Variants in CAPN12 observed in about 807,000 individuals in gnomAD.
The protein encoded by CAPN12 is calpain-12.
In CAPN12, 107 loss-of-function variants were observed where a neutral mutation model predicts 95.0. The ratio of observed to expected loss-of-function variants is 1.13; its 90% CI spans 0.96 to 1.32. The LOEUF (loss-of-function observed/expected upper bound fraction) is 1.32, where lower values mean the gene tolerates loss of function less well. Ranked by LOEUF, CAPN12 falls within the 40% of genes most tolerant of loss-of-function variation. The pLI, the probability that CAPN12 is intolerant of heterozygous loss-of-function variation, is 0.00. For missense variants in CAPN12, 1,136 were observed against 997.8 expected, an observed-to-expected ratio of 1.14 and a Z score of -1.87; for synonymous variants, 505 against 415.5, an observed-to-expected ratio of 1.22 and a Z score of -2.62.
intron 15 of CAPN12, 81 bp from the exon 16 acceptor site, chr19:38,734,470 T>A: frequency 8.1e-7 from 1 of 1,236,590 alleles, no homozygotes; most frequent in African/African-American, 1.5e-5. Context: ...GTGACTCCCT[T>A]AAGCAGGTGA....
chr19:38,731,191 G>T lies in CAPN12; in HGVS notation c.1990C>A (p.Leu664Ile). The change falls in exon 19 of 21, where the codon CTC becomes ATC. Residue 664 changes from leucine (L) to isoleucine (I), a missense_variant. Transcript: ENST00000328867. ...FHLNNQLTQTLTSRYRDSRLR... is the reference protein window; with the variant it reads ...FHLNNQLTQTITSRYRDSRLR... ...CGGCTATCCCGGTAGCGGCTGGTGAGGGTCTGGGTCAGCTGGTTGTTCAGG... is the reference window on the plus strand; with the variant it reads ...CGGCTATCCCGGTAGCGGCTGGTGATGGTCTGGGTCAGCTGGTTGTTCAGG... The T allele has an allele frequency of 6.2e-7, 1 of 1,612,892 alleles. No individual in the cohort carries two copies. Among genetic ancestry groups the T allele is most frequent in the Non-Finnish European group, 8.5e-7 (1 of 1,180,026 alleles).
intron 20 of CAPN12, 41 bp downstream of exon 20, chr19:38,730,924 G>A: frequency 1.3e-6 from 2 of 1,550,530 alleles, no homozygotes; most frequent in Non-Finnish European, 1.7e-6. Context: ...GGAGCTCGCA[G>A]GACAGAGCCT....
At position 38,743,334 on chromosome 19, in the gene CAPN12, C is replaced by T. The variant is rs547949083; in HGVS notation, c.238-232G>A. Among the ~76,000 whole-genome samples the T allele has an allele frequency of 1.2e-3, 158 of 133,556 alleles. 1 individual carries two copies. Among genetic ancestry groups the T allele is most frequent in the Middle Eastern group, 8.3e-3 (2 of 240 alleles). The allele number at this position is 133,556 out of a possible 152,430, so 87.6% of individuals were successfully genotyped here. ...CCCTCAGACCCAGGAGTCCATGTCCCGAGCCCCTCCTCCCTCAGACCCAGG... is the reference window on the plus strand; with the variant it reads ...CCCTCAGACCCAGGAGTCCATGTCCTGAGCCCCTCCTCCCTCAGACCCAGG... On this transcript the variant is annotated intron_variant, in intron 1 of 20. Coordinates refer to ENST00000328867, the MANE Select transcript of CAPN12 (RefSeq NM_144691.4).
At chr19:38,736,454 A>AC (rs1355858528) in intron 11 of CAPN12, 98 bp downstream of exon 11, 11 of 1,036,270 alleles carry the variant, frequency 1.1e-5, no homozygotes, top group Non-Finnish European at 1.4e-5. Flanking sequence ...CTGCCCCCCC[A>AC]CCCCCAGGGC....
At chr19:38,742,850 C>CAAAAAAAAAAAAAAAA (rs11406594) in intron 2 of CAPN12, among the ~76,000 whole-genome samples, 183 bp downstream of exon 2, 16 of 53,294 alleles carry the variant, frequency 3.0e-4, no homozygotes, top group East Asian at 2.0e-3. Flanking sequence ...GACCCCATCT[C>CAAAAAAAAAAAAAAAA]AAAAAAAAAA....
chr19:38,731,675 A>AT, intron 18 of CAPN12: 1 of 200,502 alleles, frequency 5.0e-6, no homozygotes, highest in African/African-American at 2.2e-5. Flanking sequence ...AGGCTTTTAA[A>AT]AACCCAAAAC....
Position 38,734,426 on chromosome 19 carries a change from G to A in CAPN12, c.1745-37C>T, listed in dbSNP as rs777730488. On this transcript the variant is annotated intron_variant, in intron 15 of 20. Coordinates refer to ENST00000328867, the MANE Select transcript of CAPN12 (RefSeq NM_144691.4). The stretch of plus-strand genomic sequence containing the variant: ...ACAAAGTCAAACCACAGCACTTCCT[G>A]CATTCTGGCCACCACTTTAAGGGCT... 1.3e-5 allele frequency: 20 copies of A among 1,534,646 alleles called. No homozygotes were observed. In the Admixed American group the frequency reaches 1.8e-4, roughly 14 times the overall value.
In CAPN12 at chr19:38,730,801, G is replaced by A. The variant is rs970092920; in HGVS notation, c.*51C>T. On this transcript the variant is annotated 3_prime_UTR_variant, in exon 21 of 21. Transcript: ENST00000328867. ...ATGCCAGGCAAGGCCTAGGGAGGTG[G>A]TCTTGCTCAGCAACCCTGCCCTGAG... 2.6e-6 allele frequency: 4 copies of A among 1,548,564 alleles called. No homozygotes were observed. The highest frequency in any genetic ancestry group is 2.6e-6 in the Non-Finnish European group (3 of 1,145,886).
chr19:38,739,903 G>C, intron 5 of CAPN12, 148 bp downstream of exon 5: 1 of 793,600 alleles, frequency 1.3e-6, no homozygotes, highest in South Asian at 2.7e-5. Flanking sequence ...GAGAGCAAAT[G>C]AATTTATTTT....
intron 14 of CAPN12, chr19:38,735,151 C>T (rs541988225): frequency 1.8e-4 from 111 of 603,380 alleles, no homozygotes; most frequent in Admixed American, 1.4e-3. Flanking sequence ...CTGGAGGTGT[C>T]AGGAGGGAGA....
intron 2 of CAPN12, 95 bp from the exon 3 acceptor site, chr19:38,742,623 C>G: frequency 1.2e-6 from 1 of 812,646 alleles, no homozygotes; most frequent in South Asian, 1.7e-5. Context: ...GAGGCCAAGG[C>G]AGAAAGATCA....
chr19:38,730,877 C>CA lies in CAPN12; in HGVS notation c.2134dup (p.Trp712LeufsTer24). 3 of 1,551,746 alleles carry CA rather than the reference C, an allele frequency of 1.9e-6. No individual in the cohort carries two copies. Among genetic ancestry groups the CA allele is most frequent in the African/African-American group, 2.7e-5 (2 of 73,258 alleles). On this transcript the variant is annotated frameshift_variant and splice_region_variant, in exon 21 of 21. Coordinates refer to ENST00000328867, the MANE Select transcript of CAPN12 (RefSeq NM_144691.4). LOFTEE classifies it high-confidence loss of function. ...CTAGGAGAAGGTGGCCACCTCCATC[C>CA]ACTAAGGAAGAGAAGGAAGACAGTG...
chr19:38,730,944 T>C (rs371359575), intron 20 of CAPN12, 21 bp downstream of exon 20: 1 of 1,550,464 alleles, frequency 6.4e-7, no homozygotes, highest in African/African-American at 1.4e-5. Context: ...TGAGCCACCC[T>C]GTCCCTCCCA....
chr19:38,731,309 A>G lies in CAPN12; in HGVS notation c.1958-86T>C, dbSNP rs1331700410. 20 of 1,005,384 alleles carry G rather than the reference A, an allele frequency of 2.0e-5. 1 individual carries two copies. The East Asian group carries it at 4.3e-4, about 22-fold the overall frequency. 62.3% of individuals were successfully genotyped at this position (1,005,384 alleles called of 1,614,324 possible). A position where few individuals can be genotyped will look rare whatever the true frequency, so the allele number is the denominator to read the frequency against. ...CCCACCCCACCTCCTCAGGGAGGAC[A>G]TGAATGCCACAGGGTGTCACACCCC... is the stretch of plus-strand genomic sequence containing the variant. On this transcript the variant is annotated intron_variant, in intron 18 of 20. Transcript: ENST00000328867.
chr19:38,736,729 C>G (rs1599911279), intron 10 of CAPN12, 166 bp from the exon 11 acceptor site: 1 of 816,364 alleles, frequency 1.2e-6, no homozygotes, highest in East Asian at 2.8e-5. Flanking sequence ...CCTCGCCGAC[C>G]CCTCCCCAAC....
chr19:38,741,736 G>T, intron 4 of CAPN12, 41 bp downstream of exon 4: 1 of 1,608,572 alleles, frequency 6.2e-7, no homozygotes, highest in South Asian at 1.1e-5. Flanking sequence ...TGCCTGCTGT[G>T]GGGACTTAGG....
Position 38,741,898 on chromosome 19 carries a change from C to T in CAPN12, c.439G>A (p.Gly147Ser), listed in dbSNP as rs1474327187. ...GVFHFQLWQF[G>S]RWMDVVVDDR... ...TCCACCACGACGTCCATCCAGCGGCCAAACTGCCAGAGCTGGTGGGAGAAG... is the reference window on the plus strand; with the variant it reads ...TCCACCACGACGTCCATCCAGCGGCTAAACTGCCAGAGCTGGTGGGAGAAG... The change falls in exon 4 of 21, where the codon GGC becomes AGC. Residue 147 changes from glycine (G) to serine (S), a missense_variant. Coordinates refer to ENST00000328867, the MANE Select transcript of CAPN12 (RefSeq NM_144691.4). 6.2e-7 allele frequency: 1 copy of T among 1,613,974 alleles called. No individual in the cohort carries two copies. The highest frequency in any genetic ancestry group is 8.5e-7 in the Non-Finnish European group (1 of 1,180,008).
In CAPN12 at chr19:38,730,580, T is replaced by C. The variant is rs1969508807; in HGVS notation, c.*272A>G. 3.6e-6 allele frequency: 2 copies of C among 561,314 alleles called. No individual in the cohort carries two copies. Among genetic ancestry groups the C allele is most frequent in the Non-Finnish European group, 6.4e-6 (2 of 313,926 alleles). The allele number at this position is 561,314 out of a possible 1,614,324, so 34.8% of individuals were successfully genotyped here. On this transcript the variant is annotated 3_prime_UTR_variant, in exon 21 of 21. Coordinates refer to ENST00000328867, the MANE Select transcript of CAPN12 (RefSeq NM_144691.4). ...ATTTCTCCTGTGTCTGTCCTCCACC[T>C]TCTAGGAGAGCCAGGGCAGAGCTAG... is the stretch of plus-strand genomic sequence containing the variant.
intron 10 of CAPN12, 21 bp downstream of exon 10, chr19:38,737,135 C>G: frequency 6.5e-7 from 1 of 1,535,990 alleles, no homozygotes; most frequent in Non-Finnish European, 8.8e-7. Context: ...CCTCCAGCCT[C>G]AGCTTTGCCC....
Sources: gnomAD v4.1 joint callset for allele counts (sites outside exome capture counted in the v4.1 genomes callset) on GRCh38, gnomAD v4.1.1 for gene constraint, MANE v1.5 for transcripts, NCBI Gene and HGNC (gene_info 2026-07-23, HGNC 2026-07-21) for gene names.